Variants in BORCS8 observed in about 807,000 individuals in gnomAD.
BORCS8 encodes BLOC-1-related complex subunit 8.
Under a neutral mutation model 18.7 loss-of-function variants are expected in BORCS8, and 13 were observed. The ratio of observed to expected loss-of-function variants is 0.70; its 90% CI spans 0.45 to 1.11. The LOEUF is 1.11. BORCS8 is among the 50% of genes least tolerant of loss of function. BORCS8 has a pLI of 0.00. For missense variants in BORCS8, 165 were observed against 165.7 expected, an observed-to-expected ratio of 1.00 and a Z score of 0.02; for synonymous variants, 68 against 64.8, an observed-to-expected ratio of 1.05 and a Z score of -0.24.
At chr19:19,180,873 T>C (rs1048527580) in intron 4 of BORCS8, 112 bp from the exon 5 acceptor site, 6 of 1,176,236 alleles carry the variant, frequency 5.1e-6, no homozygotes, top group Non-Finnish European at 7.1e-6. Flanking sequence ...GACCTCTGGC[T>C]TGAGCTTCTG....
chr19:19,182,358 G>T lies in BORCS8; in HGVS notation c.326+215C>A. ...GTCACTGCTATGTCCCCAGTGCCCA[G>T]CCCAGGGCCAGGCACACAGCAGAGC... On this transcript the variant is annotated intron_variant, in intron 4 of 5. Coordinates refer to ENST00000462790, the MANE Select transcript of BORCS8 (RefSeq NM_001145784.2). The surrounding 1 kb of genome is among the most constrained non-coding windows in gnomAD (Gnocchi z 4.1). 7.7e-7 allele frequency: 1 copy of T among 1,302,416 alleles called. No individual in the cohort carries two copies. The highest frequency in any genetic ancestry group is 1.0e-6 in the Non-Finnish European group (1 of 1,004,452). 80.7% of individuals were successfully genotyped at this position (1,302,416 alleles called of 1,614,324 possible). A position where few individuals can be genotyped will look rare whatever the true frequency, so the allele number is the denominator to read the frequency against.
At chr19:19,189,093 C>A (rs1235362552) in intron 1 of BORCS8, among the ~76,000 whole-genome samples, 1 of 152,146 alleles carries the variant, frequency 6.6e-6, no homozygotes, top group Non-Finnish European at 1.5e-5. Context: ...CTTCGGCCTC[C>A]CAGAGTGCTG....
intron 1 of BORCS8, among the ~76,000 whole-genome samples, chr19:19,191,558 C>A (rs1186240336): frequency 1.3e-5 from 2 of 149,558 alleles, no homozygotes. Context: ...TCTTCCAATG[C>A]ATTACAAATA....
At chr19:19,186,528 T>C (rs1048908894) in intron 2 of BORCS8, among the ~76,000 whole-genome samples, 3 of 152,122 alleles carry the variant, frequency 2.0e-5, no homozygotes, top group African/African-American at 7.2e-5. Context: ...TCTCACGAGA[T>C]CTTGTGGTTT....
intron 5 of BORCS8, chr19:19,178,042 C>G (rs867118756): frequency 6.6e-6 from 1 of 152,370 alleles, no homozygotes; most frequent in Non-Finnish European, 1.5e-5. Context: ...CGCCATCACA[C>G]CCGGCAGAGC....
chr19:19,177,824 G>T (rs377632160), intron 5 of BORCS8: 1 of 157,250 alleles, frequency 6.4e-6, no homozygotes, highest in Admixed American at 6.5e-5. Flanking sequence ...ATCAGAGGCA[G>T]GCAGGGCTGG....
intron 3 of BORCS8, among the ~76,000 whole-genome samples, chr19:19,185,766 C>T (rs2060402173): frequency 6.6e-6 from 1 of 152,246 alleles, no homozygotes; most frequent in African/African-American, 2.4e-5. Flanking sequence ...GCCCATCTGT[C>T]CTGGCTGTGG....
At chr19:19,187,294 G>A (rs1268973147) in intron 1 of BORCS8, among the ~76,000 whole-genome samples, 1 of 152,024 alleles carries the variant, frequency 6.6e-6, no homozygotes, top group Non-Finnish European at 1.5e-5. Flanking sequence ...AGGCCATCAT[G>A]GTAAAACCCA....
At chr19:19,180,400 T>TG (rs1342448671) in intron 5 of BORCS8, 2 of 495,008 alleles carry the variant, frequency 4.0e-6, no homozygotes, top group East Asian at 8.0e-5. Flanking sequence ...TTCTCTGTCT[T>TG]GGGGGGTGGA....
At chr19:19,184,950 C>G (rs1226973160) in intron 3 of BORCS8, among the ~76,000 whole-genome samples, 1 of 152,142 alleles carries the variant, frequency 6.6e-6, no homozygotes, top group Non-Finnish European at 1.5e-5. Flanking sequence ...CGCAGGCTGA[C>G]CCTGAACTCC....
chr19:19,191,151 G>A (rs990138574), intron 1 of BORCS8, among the ~76,000 whole-genome samples: 1 of 151,936 alleles, frequency 6.6e-6, no homozygotes, highest in Non-Finnish European at 1.5e-5. Context: ...TCAGGAGTTC[G>A]AGACTAGCCT....
In BORCS8 at chr19:19,180,666, T is replaced by C; in HGVS notation, c.*42+20A>G. 6.7e-7 allele frequency: 1 copy of C among 1,495,364 alleles called. No individual in the cohort carries two copies. The allele number at this position is 1,495,364 out of a possible 1,614,324, so 92.6% of individuals were successfully genotyped here. A position where few individuals can be genotyped will look rare whatever the true frequency, so the allele number is the denominator to read the frequency against. ...AGTTCAGAGCAGAGAGAGAGGCTCG[T>C]GGCTACCCTCGGCACTGACCTGGGT... is the stretch of plus-strand genomic sequence containing the variant. On this transcript the variant is annotated intron_variant, in intron 5 of 5. Transcript: ENST00000462790.
intron 1 of BORCS8, among the ~76,000 whole-genome samples, chr19:19,189,564 T>C (rs1179303470): frequency 6.6e-6 from 1 of 152,076 alleles, no homozygotes. Flanking sequence ...TCCTTGGACC[T>C]CCCAGCACTG....
intron 4 of BORCS8, among the ~76,000 whole-genome samples, chr19:19,181,719 C>T (rs2060350881): frequency 6.6e-6 from 1 of 152,216 alleles, no homozygotes; most frequent in Non-Finnish European, 1.5e-5. Context: ...CCCATTCTTA[C>T]ACATACACTC....
rs2060406387 is a variant in BORCS8, at chr19:19,186,103, AG to A, written c.151-6del. 7 of 1,551,302 alleles carry A rather than the reference AG, an allele frequency of 4.5e-6. No homozygotes were observed. Among genetic ancestry groups the A allele is most frequent in the South Asian group, 2.4e-5 (2 of 84,056 alleles). On this transcript the variant is annotated splice_region_variant and splice_polypyrimidine_tract_variant and intron_variant, in intron 2 of 5. Coordinates refer to ENST00000462790, the MANE Select transcript of BORCS8 (RefSeq NM_001145784.2). Reference sequence around the variant, plus strand: ...CTCCCAACGCTGCATGTCTGCCTGTAGGGGGCGCAGGAGATATTTGGCAAGG... The same window carrying A: ...CTCCCAACGCTGCATGTCTGCCTGTAGGGGCGCAGGAGATATTTGGCAAGG...
chr19:19,184,002 C>T (rs544799908), intron 3 of BORCS8, among the ~76,000 whole-genome samples: 1 of 151,868 alleles, frequency 6.6e-6, no homozygotes, highest in South Asian at 2.1e-4. Context: ...CCTGCCTCCG[C>T]CTCCCAAGTA....
At chr19:19,186,471 G>C (rs2060410055) in intron 2 of BORCS8, among the ~76,000 whole-genome samples, 1 of 152,210 alleles carries the variant, frequency 6.6e-6, no homozygotes, top group Non-Finnish European at 1.5e-5. Flanking sequence ...GGAGACAACT[G>C]AATCATAGAG....
At chr19:19,188,604 T>C (rs963147773) in intron 1 of BORCS8, among the ~76,000 whole-genome samples, 2 of 152,094 alleles carry the variant, frequency 1.3e-5, no homozygotes, top group African/African-American at 4.8e-5. Flanking sequence ...TGCCTGGAAG[T>C]TCACATCCCA....
intron 3 of BORCS8, among the ~76,000 whole-genome samples, chr19:19,185,460 T>C (rs956888534): frequency 6.6e-6 from 1 of 152,004 alleles, no homozygotes; most frequent in African/African-American, 2.4e-5. Flanking sequence ...CTGAGGTGGG[T>C]AGATCACCTG....
Sources: gnomAD v4.1 joint callset for allele counts (sites outside exome capture counted in the v4.1 genomes callset) on GRCh38, gnomAD v4.1.1 for gene constraint, Gnocchi (gnomAD v3.1) non-coding constraint, MANE v1.5 for transcripts, NCBI Gene and HGNC (gene_info 2026-07-23, HGNC 2026-07-21) for gene names.